Variants in GBE1 observed in about 807,000 individuals in gnomAD.
The protein encoded by GBE1 is 1,4-alpha-glucan-branching enzyme.
Under a neutral mutation model 88.8 loss-of-function variants are expected in GBE1, and 70 were observed. The ratio of observed to expected loss-of-function variants is 0.79; its 90% CI spans 0.65 to 0.96. GBE1 has a LOEUF of 0.96. GBE1 is among the 40% of genes least tolerant of loss of function. The pLI is 0.00. For missense variants in GBE1, 872 were observed against 871.0 expected (o/e 1.00, Z -0.01); for synonymous variants, 284 against 300.1 (o/e 0.95, Z 0.56).
intron 12 of GBE1, among the ~76,000 whole-genome samples, chr3:81,571,104 G>C (rs1703567562): frequency 6.6e-6 from 1 of 152,122 alleles, no homozygotes; most frequent in Non-Finnish European, 1.5e-5. Context: ...GTAAATTCAA[G>C]GTGGAAGGAT....
chr3:81,511,853 AAATT>A (rs1420973711), intron 14 of GBE1, among the ~76,000 whole-genome samples: 1 of 149,234 alleles, frequency 6.7e-6, no homozygotes, highest in Non-Finnish European at 1.5e-5. Flanking sequence ...AAAGGAAAAT[AAATT>A]GTCCTACAAG....
intron 9 of GBE1, among the ~76,000 whole-genome samples, chr3:81,587,134 T>G (rs866837688): frequency 1.3e-5 from 2 of 151,970 alleles, no homozygotes; most frequent in African/African-American, 4.8e-5. Flanking sequence ...AGAGCCGGAT[T>G]CAGATATCAA....
chr3:81,497,094 G>T (rs1417029740), intron 15 of GBE1, among the ~76,000 whole-genome samples: 1 of 152,136 alleles, frequency 6.6e-6, no homozygotes, highest in Non-Finnish European at 1.5e-5. Flanking sequence ...TTCCACACTG[G>T]TGAGATCAAT....
chr3:81,528,069 G>T (rs1332498466), intron 14 of GBE1, among the ~76,000 whole-genome samples: 1 of 151,894 alleles, frequency 6.6e-6, no homozygotes, highest in East Asian at 1.9e-4. Flanking sequence ...CCTTTGTAGG[G>T]TCATGGATGA....
At chr3:81,659,967 CCTTT>C (rs1704999768) in intron 3 of GBE1, among the ~76,000 whole-genome samples, 1 of 152,084 alleles carries the variant, frequency 6.6e-6, no homozygotes, top group Non-Finnish European at 1.5e-5. Context: ...TCTTTTCTCT[CCTTT>C]CTTCTACAAA....
intron 14 of GBE1, among the ~76,000 whole-genome samples, chr3:81,508,880 T>C (rs915003516): frequency 2.0e-5 from 3 of 152,130 alleles, no homozygotes; most frequent in Non-Finnish European, 4.4e-5. Context: ...TCTGAGTAAG[T>C]TACTTACTTC....
intron 12 of GBE1, among the ~76,000 whole-genome samples, chr3:81,572,805 G>T (rs2106926105): frequency 6.6e-6 from 1 of 152,098 alleles, no homozygotes; most frequent in Middle Eastern, 3.4e-3. Context: ...CAGTATCAGG[G>T]TTGGTGTTTT....
intron 1 of GBE1, among the ~76,000 whole-genome samples, chr3:81,740,826 A>G (rs1706340095): frequency 6.6e-6 from 1 of 151,970 alleles, no homozygotes; most frequent in African/African-American, 2.4e-5. Flanking sequence ...AAAAGAATCC[A>G]TCACAAACAT....
chr3:81,568,911 T>C (rs1703534248), intron 12 of GBE1, among the ~76,000 whole-genome samples: 1 of 152,088 alleles, frequency 6.6e-6, no homozygotes, highest in Non-Finnish European at 1.5e-5. Flanking sequence ...AGAGATAACA[T>C]GTATACACAG....
intron 8 of GBE1, 127 bp downstream of exon 8, chr3:81,593,781 C>G: frequency 1.8e-6 from 1 of 565,806 alleles, no homozygotes; most frequent in Non-Finnish European, 3.1e-6. Context: ...CTACCTTTTG[C>G]CAAAATGGGA....
intron 1 of GBE1, among the ~76,000 whole-genome samples, chr3:81,750,672 T>TATATATAC (rs1279745897): frequency 2.6e-5 from 2 of 77,744 alleles, no homozygotes; most frequent in African/African-American, 1.8e-4. Context: ...TATATATATA[T>TATATATAC]ACGTATATAT....
rs116327319 is a variant in GBE1 at position 81,544,820 on chromosome 3, G to A, written c.1619-7725C>T. ...ACTTGACAAGAAGCCAGCTGGTACA[G>A]TGATGAAATTCAAGGCAATATAACT... On this transcript the variant is annotated intron_variant, in intron 12 of 15. Coordinates refer to ENST00000429644, the MANE Select transcript of GBE1 (RefSeq NM_000158.4). Among the ~76,000 whole-genome samples the A allele has an allele frequency of 6.9e-3, 1,049 of 152,252 alleles. 8 individuals are homozygous for A. The highest frequency in any genetic ancestry group is 8.8e-3 in the Non-Finnish European group (599 of 68,006).
At chr3:81,612,303 G>T in intron 7 of GBE1, 3 of 806,466 alleles carry the variant, frequency 3.7e-6, no homozygotes, top group Non-Finnish European at 3.8e-6. Context: ...TTCTGCGTTT[G>T]ACTTTAATGT....
intron 7 of GBE1, among the ~76,000 whole-genome samples, chr3:81,621,800 T>C (rs924352444): frequency 6.6e-6 from 1 of 152,146 alleles, no homozygotes; most frequent in Admixed American, 6.6e-5. Flanking sequence ...ATACCATATT[T>C]CCTCTCACCT....
intron 14 of GBE1, among the ~76,000 whole-genome samples, chr3:81,526,465 G>C (rs538420582): frequency 3.9e-4 from 59 of 152,218 alleles, no homozygotes; most frequent in African/African-American, 1.4e-3. Flanking sequence ...TGTATATCTA[G>C]AAAACCCCAT....
At chr3:81,710,985 G>A (rs1017575095) in intron 1 of GBE1, among the ~76,000 whole-genome samples, 5 of 152,150 alleles carry the variant, frequency 3.3e-5, no homozygotes, top group Non-Finnish European at 7.3e-5. Flanking sequence ...AGGGTGGGAC[G>A]GAGGGGCGGC....
chr3:81,537,935 A>G (rs191844843), intron 12 of GBE1, among the ~76,000 whole-genome samples: 1 of 151,996 alleles, frequency 6.6e-6, no homozygotes, highest in African/African-American at 2.4e-5. Context: ...TAACAAATAC[A>G]TAGTTTCCAT....
chr3:81,668,162 T>G (rs1407841539), intron 3 of GBE1, among the ~76,000 whole-genome samples: 1 of 151,186 alleles, frequency 6.6e-6, no homozygotes, highest in Non-Finnish European at 1.5e-5. Flanking sequence ...TAAATGGGAG[T>G]TGAACAATGA....
chr3:81,518,463 AG>A (rs1459790834), intron 14 of GBE1, among the ~76,000 whole-genome samples: 1 of 151,452 alleles, frequency 6.6e-6, no homozygotes, highest in Admixed American at 6.6e-5. Flanking sequence ...GCAATCTAAA[AG>A]TGTTATAGCA....
Sources: allele counts gnomAD v4.1 joint callset (sites outside exome capture counted in the v4.1 genomes callset), GRCh38; gene constraint gnomAD v4.1.1; transcripts MANE v1.5; gene names NCBI Gene and HGNC (gene_info 2026-07-23, HGNC 2026-07-21).